TLL1: variants seen among roughly 807,000 people sequenced by gnomAD.
TLL1 encodes tolloid like 1, also known as tolloid-like protein 1.
TLL1 carries 49 observed loss-of-function variants against 128.2 expected under a neutral mutation model. The observed-to-expected ratio is 0.38, with a 90% CI of 0.30 to 0.48. The LOEUF (loss-of-function observed/expected upper bound fraction) is 0.48. TLL1 is among the 20% of genes least tolerant of loss of function. The pLI, the probability that TLL1 is intolerant of heterozygous loss-of-function variation, is 0.96. For synonymous variants in TLL1, 454 were observed against 418.8 expected, an observed-to-expected ratio of 1.08 and a Z score of -1.03; for missense variants, 1,123 against 1,242.0, an observed-to-expected ratio of 0.90 and a Z score of 1.44.
chr4:165,992,701 A>C, intron 2 of TLL1, 103 bp from the exon 3 acceptor site: 1 of 1,091,698 alleles, frequency 9.2e-7, no homozygotes, highest in Non-Finnish European at 1.4e-6. Context: ...TTAAGACCAC[A>C]TAAAAAATGA....
chr4:166,058,145 A>G (rs2111114995), intron 14 of TLL1, among the ~76,000 whole-genome samples: 1 of 152,008 alleles, frequency 6.6e-6, no homozygotes, highest in Admixed American at 6.5e-5. Context: ...ACCATCATTC[A>G]TTCATCCATC....
At chr4:165,976,293 T>C (rs1318650994) in intron 1 of TLL1, among the ~76,000 whole-genome samples, 1 of 152,118 alleles carries the variant, frequency 6.6e-6, no homozygotes, top group Non-Finnish European at 1.5e-5. Context: ...TCTTTTATTA[T>C]ATACAAGGAA....
intron 10 of TLL1, among the ~76,000 whole-genome samples, chr4:166,041,220 G>A (rs986713891): frequency 3.9e-5 from 6 of 152,012 alleles, no homozygotes; most frequent in African/African-American, 1.4e-4. Flanking sequence ...AGTAGCCTTG[G>A]GGTTTTCCTC....
rs1693994426 is a variant in TLL1, at chr4:165,959,700, C to T, written c.170-29681C>T. Among the ~76,000 whole-genome samples the T allele has an allele frequency of 2.0e-5, 3 of 152,130 alleles. No homozygotes were observed. The South Asian group carries it at 6.2e-4, about 32-fold the overall frequency. On this transcript the variant is annotated intron_variant, in intron 1 of 20. Coordinates refer to ENST00000061240, the MANE Select transcript of TLL1 (RefSeq NM_012464.5). ...AAATAACAGGAGTATCTTTCAAAAC[C>T]ACACTATTGCATGGAAATTAAACAA...
chr4:165,903,733 TCACA>T (rs5863787), intron 1 of TLL1, among the ~76,000 whole-genome samples: 18,198 of 144,770 alleles, frequency 0.13, 1,200 homozygotes, highest in Middle Eastern at 0.24. Context: ...TAAGTTCTTA[TCACA>T]CACACACACA....
At chr4:166,059,514 G>A (rs543360996) in intron 14 of TLL1, among the ~76,000 whole-genome samples, 1 of 152,056 alleles carries the variant, frequency 6.6e-6, no homozygotes, top group African/African-American at 2.4e-5. Flanking sequence ...GGTAGCTCAG[G>A]TAATATTGAG....
chr4:166,099,642 A>G (rs1307749641), intron 20 of TLL1, 115 bp downstream of exon 20: 7 of 1,246,478 alleles, frequency 5.6e-6, no homozygotes, highest in Non-Finnish European at 7.9e-6. Flanking sequence ...AAAAAAAAAA[A>G]GGCTACATTG....
intron 9 of TLL1, among the ~76,000 whole-genome samples, chr4:166,031,214 T>A (rs1036554516): frequency 6.6e-6 from 1 of 151,986 alleles, no homozygotes; most frequent in Non-Finnish European, 1.5e-5. Flanking sequence ...TTTAAACAAG[T>A]AAAATTCTGA....
intron 9 of TLL1, among the ~76,000 whole-genome samples, chr4:166,038,211 T>C (rs1188395186): frequency 6.6e-6 from 1 of 152,198 alleles, no homozygotes; most frequent in African/African-American, 2.4e-5. Context: ...CTTTCTTTCC[T>C]TCCTCTCTCC....
intron 1 of TLL1, among the ~76,000 whole-genome samples, chr4:165,888,686 T>C (rs765393650): frequency 4.6e-5 from 7 of 152,162 alleles, no homozygotes; most frequent in Admixed American, 6.5e-5. Flanking sequence ...GGTTCTTGCT[T>C]ATGTGGTCTC....
At chr4:165,913,492 TG>T (rs1351185268) in intron 1 of TLL1, among the ~76,000 whole-genome samples, 1 of 152,226 alleles carries the variant, frequency 6.6e-6, no homozygotes, top group Admixed American at 6.5e-5. Context: ...AGGGCAAAGC[TG>T]ATCCTTTTTA....
At chr4:166,006,123 C>T (rs1737414352) in intron 6 of TLL1, among the ~76,000 whole-genome samples, 1 of 151,774 alleles carries the variant, frequency 6.6e-6, no homozygotes, top group South Asian at 2.1e-4. Context: ...CTAATAAGCA[C>T]AAACTTTGGC....
intron 1 of TLL1, among the ~76,000 whole-genome samples, chr4:165,952,051 G>A (rs1278345302): frequency 6.6e-6 from 1 of 152,070 alleles, no homozygotes; most frequent in Non-Finnish European, 1.5e-5. Context: ...TTAAGAGATA[G>A]AAATAAAAAG....
chr4:165,932,758 ACT>A (rs1733589007), intron 1 of TLL1, among the ~76,000 whole-genome samples: 1 of 151,602 alleles, frequency 6.6e-6, no homozygotes. Context: ...TGTTTGCTTG[ACT>A]CTGCAAAAAA....
chr4:166,055,470 T>A (rs542111878), intron 13 of TLL1, among the ~76,000 whole-genome samples, 199 bp downstream of exon 13: 4 of 152,132 alleles, frequency 2.6e-5, no homozygotes, highest in African/African-American at 9.7e-5. Flanking sequence ...AGGAATTCCA[T>A]TAGGATATTC....
chr4:166,042,825 G>C (rs2111093827), intron 11 of TLL1, among the ~76,000 whole-genome samples: 1 of 152,232 alleles, frequency 6.6e-6, no homozygotes, highest in East Asian at 1.9e-4. Context: ...GGATTATTTG[G>C]AGGGAGTCAC....
At chr4:166,036,789 C>CTGTGTGTGTGTG (rs3047083) in intron 9 of TLL1, among the ~76,000 whole-genome samples, 39 of 145,222 alleles carry the variant, frequency 2.7e-4, no homozygotes, top group Middle Eastern at 3.5e-3. Flanking sequence ...CCCTATCCAA[C>CTGTGTGTGTGTG]TGTGTGTGTG....
intron 18 of TLL1, among the ~76,000 whole-genome samples, chr4:166,090,605 TA>T (rs979001109): frequency 1.3e-5 from 2 of 152,100 alleles, no homozygotes; most frequent in Non-Finnish European, 2.9e-5. Flanking sequence ...TTGTAAGAGC[TA>T]AATAAACAAA....
intron 1 of TLL1, among the ~76,000 whole-genome samples, chr4:165,890,690 G>A (rs1182113769): frequency 2.0e-5 from 3 of 152,188 alleles, no homozygotes; most frequent in African/African-American, 7.2e-5. Context: ...TGGCTTTGCT[G>A]GGTACAGCTT....
Sources: gnomAD v4.1 joint callset for allele counts (sites outside exome capture counted in the v4.1 genomes callset) on GRCh38, gnomAD v4.1.1 for gene constraint, MANE v1.5 for transcripts, NCBI Gene and HGNC (gene_info 2026-07-23, HGNC 2026-07-21) for gene names.